Variants in KHDRBS2 observed in about 807,000 individuals in gnomAD.
KHDRBS2 encodes the protein KH domain-containing, RNA-binding, signal transduction-associated protein 2.
In KHDRBS2, 26 loss-of-function variants were observed where a neutral mutation model predicts 44.3. The observed-to-expected ratio is 0.59, with a 90% CI of 0.43 to 0.81. The LOEUF (loss-of-function observed/expected upper bound fraction) is 0.81, where lower values mean the gene tolerates loss of function less well. Ranked by LOEUF, KHDRBS2 falls within the 40% of genes least tolerant of loss-of-function variation. The pLI, the probability that KHDRBS2 is intolerant of heterozygous loss-of-function variation, is 0.00. For synonymous variants in KHDRBS2, 194 were observed against 151.1 expected, an observed-to-expected ratio of 1.28 and a Z score of -2.08; for missense variants, 476 against 433.1, an observed-to-expected ratio of 1.10 and a Z score of -0.88.
chr6:61,733,900 T>C (rs749337774), intron 6 of KHDRBS2, among the ~76,000 whole-genome samples: 26 of 152,172 alleles, frequency 1.7e-4, no homozygotes, highest in Non-Finnish European at 3.4e-4. Context: ...GGCGCATCTC[T>C]TTCCCTGGAA....
In KHDRBS2 at chr6:62,276,903, C is replaced by T. The variant is rs74614722; in HGVS notation, c.91+8955G>A. 2.9e-3 allele frequency among the ~76,000 whole-genome samples: 437 copies of T among 152,264 alleles called. 2 individuals carry two copies. The highest frequency in any genetic ancestry group is 0.01 in the African/African-American group (420 of 41,548). On this transcript the variant is annotated intron_variant, in intron 1 of 8. Transcript: ENST00000281156. ...GGGTTTCAACTTTACAATTTCTTTG[C>T]TGTGAGACCTGATATAAATTAATTT...
chr6:61,599,182 C>T, the KHDRBS2 span, among the ~76,000 whole-genome samples: 1 of 152,046 alleles, frequency 6.6e-6, no homozygotes, highest in Non-Finnish European at 1.5e-5. Context: ...GATTCACCTG[C>T]CTCGGCCTCC....
At chr6:62,185,898 T>C (rs1281805998) in intron 1 of KHDRBS2, among the ~76,000 whole-genome samples, 3 of 151,998 alleles carry the variant, frequency 2.0e-5, no homozygotes, top group Admixed American at 6.6e-5. Context: ...GTATGTTAAA[T>C]ATTCAGGTTG....
the KHDRBS2 span, among the ~76,000 whole-genome samples, chr6:61,547,177 C>T: frequency 6.6e-6 from 1 of 152,116 alleles, no homozygotes; most frequent in Non-Finnish European, 1.5e-5. Context: ...GCTCCGACAA[C>T]TCTCAATATT....
At chr6:61,590,140 C>A in the KHDRBS2 span, among the ~76,000 whole-genome samples, 1 of 151,826 alleles carries the variant, frequency 6.6e-6, no homozygotes, top group South Asian at 2.1e-4. Context: ...TTTTGCATTC[C>A]TGGATTAGTC....
intron 1 of KHDRBS2, among the ~76,000 whole-genome samples, chr6:62,239,521 C>A (rs1192381176): frequency 6.6e-6 from 1 of 151,852 alleles, no homozygotes; most frequent in Non-Finnish European, 1.5e-5. Context: ...TGCCGTGAGC[C>A]AAGATCACGC....
At chr6:62,008,884 ACTT>A (rs2127267172) in intron 3 of KHDRBS2, among the ~76,000 whole-genome samples, 1 of 152,230 alleles carries the variant, frequency 6.6e-6, no homozygotes, top group Admixed American at 6.5e-5. Context: ...AGTCCAATAA[ACTT>A]CTTTTTTTTG....
chr6:61,634,346 C>T, the KHDRBS2 span, among the ~76,000 whole-genome samples: 1 of 151,786 alleles, frequency 6.6e-6, no homozygotes, highest in Non-Finnish European at 1.5e-5. Flanking sequence ...CAGAAATAAT[C>T]AATAATGGTA....
chr6:61,865,402 T>A (rs1481701915), intron 6 of KHDRBS2, among the ~76,000 whole-genome samples: 1 of 152,042 alleles, frequency 6.6e-6, no homozygotes, highest in Non-Finnish European at 1.5e-5. Context: ...GTAAGTCATG[T>A]CTTATATGGA....
At chr6:61,817,064 G>T in intron 6 of KHDRBS2, 3 of 403,930 alleles carry the variant, frequency 7.4e-6, no homozygotes, top group Middle Eastern at 3.6e-4. Flanking sequence ...TAATATTCAG[G>T]TTTTCTAAAA....
At chr6:61,830,680 C>A (rs1210630046) in intron 6 of KHDRBS2, among the ~76,000 whole-genome samples, 1 of 152,070 alleles carries the variant, frequency 6.6e-6, no homozygotes, top group Non-Finnish European at 1.5e-5. Flanking sequence ...CTTTGGTTTC[C>A]CATTTGAGGT....
intron 4 of KHDRBS2, among the ~76,000 whole-genome samples, chr6:61,939,026 A>T (rs1445822100): frequency 6.6e-6 from 1 of 152,084 alleles, no homozygotes; most frequent in Non-Finnish European, 1.5e-5. Flanking sequence ...GACATTTTTG[A>T]TTGTCACACT....
At chr6:62,171,062 G>C (rs952091691) in intron 2 of KHDRBS2, among the ~76,000 whole-genome samples, 1 of 151,230 alleles carries the variant, frequency 6.6e-6, no homozygotes, top group African/African-American at 2.4e-5. Context: ...CAAAAAACCA[G>C]AGTGTCTTCC....
intron 3 of KHDRBS2, among the ~76,000 whole-genome samples, chr6:62,011,635 C>A (rs774192376): frequency 1.8e-4 from 27 of 152,144 alleles, no homozygotes; most frequent in Non-Finnish European, 2.8e-4. Flanking sequence ...ACCATTAATA[C>A]TCTTGGCTAG....
chr6:61,813,262 A>G (rs925705678), intron 6 of KHDRBS2, among the ~76,000 whole-genome samples: 1 of 152,144 alleles, frequency 6.6e-6, no homozygotes, highest in Admixed American at 6.5e-5. Context: ...TGAGGCATAG[A>G]CTACTCTGAT....
At chr6:61,796,233 C>T (rs1428467550) in intron 6 of KHDRBS2, among the ~76,000 whole-genome samples, 1 of 151,846 alleles carries the variant, frequency 6.6e-6, no homozygotes, top group East Asian at 1.9e-4. Context: ...AATAAATAAG[C>T]TTGAAACATG....
the KHDRBS2 span, among the ~76,000 whole-genome samples, chr6:61,600,821 T>A: frequency 6.6e-6 from 1 of 152,294 alleles, no homozygotes; most frequent in Admixed American, 6.5e-5. Flanking sequence ...CCTCTCTCAC[T>A]ATCCCACAAC....
chr6:62,074,377 T>A (rs959509110), intron 2 of KHDRBS2, among the ~76,000 whole-genome samples: 8 of 151,886 alleles, frequency 5.3e-5, no homozygotes, highest in Non-Finnish European at 1.0e-4. Flanking sequence ...TTAAAAACTC[T>A]ATGCAAATGT....
chr6:61,643,194 A>G, the KHDRBS2 span, among the ~76,000 whole-genome samples: 7 of 152,324 alleles, frequency 4.6e-5, no homozygotes, highest in South Asian at 1.2e-3. Context: ...TAAAAGTTTC[A>G]AAAAGATTTG....
Sources: allele counts gnomAD v4.1 joint callset (sites outside exome capture counted in the v4.1 genomes callset), GRCh38; gene constraint gnomAD v4.1.1; transcripts MANE v1.5; gene names NCBI Gene and HGNC (gene_info 2026-07-23, HGNC 2026-07-21).